Variants in DNAH7 observed in about 807,000 individuals in gnomAD.
DNAH7 encodes the protein axonemal beta dynein heavy chain 7.
A neutral mutation model predicts 444.6 loss-of-function variants in DNAH7; 397 were observed. The observed-to-expected ratio is 0.89, with a 90% CI of 0.82 to 0.97. The LOEUF is 0.97. DNAH7 is among the 50% of genes least tolerant of loss of function. DNAH7 has a pLI of 0.00. For missense variants in DNAH7, 4,902 were observed against 4,800.8 expected (o/e 1.02, Z -0.62); for synonymous variants, 1,636 against 1,624.4 (o/e 1.01, Z -0.17).
intron 2 of DNAH7, 134 bp from the exon 3 acceptor site, chr2:196,051,383 C>CT: frequency 1.4e-6 from 1 of 704,472 alleles, no homozygotes; most frequent in African/African-American, 1.8e-5. Context: ...AACTTTACTG[C>CT]TTTTTAAATT....
At chr2:196,017,331 T>C (rs187513409) in intron 9 of DNAH7, among the ~76,000 whole-genome samples, 1 of 152,258 alleles carries the variant, frequency 6.6e-6, no homozygotes, top group East Asian at 1.9e-4. Context: ...CTTCTTAATT[T>C]AATTACACAT....
intron 5 of DNAH7, among the ~76,000 whole-genome samples, chr2:196,030,979 C>G (rs2125794550): frequency 6.6e-6 from 1 of 152,338 alleles, no homozygotes; most frequent in South Asian, 2.1e-4. Flanking sequence ...TAGGCGGTGC[C>G]CCAGTAGGGA....
intron 14 of DNAH7, among the ~76,000 whole-genome samples, chr2:195,985,941 T>C (rs1445173782): frequency 6.6e-6 from 1 of 152,180 alleles, no homozygotes; most frequent in East Asian, 1.9e-4. Flanking sequence ...CCTCACGCTG[T>C]CTGTGAAAGC....
chr2:195,756,093 G>A, intron 62 of DNAH7, 40 bp downstream of exon 62: 1 of 1,549,728 alleles, frequency 6.5e-7, no homozygotes, highest in Non-Finnish European at 8.7e-7. Context: ...AATGAAACCA[G>A]GAGAAACTTA....
chr2:195,932,475 G>T (rs981672639), intron 21 of DNAH7, among the ~76,000 whole-genome samples: 1 of 152,008 alleles, frequency 6.6e-6, no homozygotes, highest in Non-Finnish European at 1.5e-5. Flanking sequence ...GGTGAGAGAC[G>T]GCATCCCTGT....
intron 29 of DNAH7, 125 bp downstream of exon 29, chr2:195,897,542 T>C (rs755034876): frequency 6.7e-6 from 3 of 449,608 alleles, no homozygotes; most frequent in South Asian, 1.8e-4. Context: ...AAATAAAATA[T>C]GGAATTATCT....
At chr2:195,785,306 T>C (rs913903893) in intron 58 of DNAH7, among the ~76,000 whole-genome samples, 1 of 152,198 alleles carries the variant, frequency 6.6e-6, no homozygotes. Context: ...GATACGTCTT[T>C]TACAAACATT....
chr2:195,957,372 A>G lies in DNAH7; in HGVS notation c.2967T>C (p.Tyr989=). 6.2e-7 allele frequency: 1 copy of G among 1,606,744 alleles called. No individual in the cohort carries two copies. ...EWLKVQATWL[Y]LEPIFSSPDI... The stretch of plus-strand genomic sequence containing the variant: ...CTGGAGAGCTGAAAATGGGCTCCAG[A>G]TACAGCCACGTGGCTTGGACTTTGA... Residue 989 remains tyrosine (Y), a synonymous_variant, in exon 19 of 65, where the codon TAT becomes TAC. Coordinates refer to ENST00000312428, the MANE Select transcript of DNAH7 (RefSeq NM_018897.3).
chr2:195,937,230 G>C (rs955589410), intron 19 of DNAH7, among the ~76,000 whole-genome samples: 8 of 152,228 alleles, frequency 5.3e-5, no homozygotes, highest in African/African-American at 1.9e-4. Flanking sequence ...CAGAATCCCT[G>C]TTTTATAACT....
chr2:195,951,697 T>C (rs1344772363), intron 19 of DNAH7, among the ~76,000 whole-genome samples: 2 of 152,222 alleles, frequency 1.3e-5, no homozygotes, highest in African/African-American at 2.4e-5. Flanking sequence ...GTAATGGCCT[T>C]GTCTCTTTTG....
chr2:195,995,330 G>A (rs1693626420), intron 12 of DNAH7: 1 of 513,658 alleles, frequency 1.9e-6, no homozygotes, highest in Admixed American at 2.0e-5. Context: ...TCAAATCCAA[G>A]ACCCCATGGA....
rs114868247 is a variant in DNAH7 at position 195,843,476 on chromosome 2, T to C, written c.8945+1526A>G. On this transcript the variant is annotated intron_variant, in intron 47 of 64. Transcript: ENST00000312428. ...TAGCTCCTGAAAAAGTTGGTCTCTT[T>C]AACTACAGTTTACTTGGTTAAAAAA... is the stretch of plus-strand genomic sequence containing the variant. Among the ~76,000 whole-genome samples, 1,448 of 152,342 alleles carry C rather than the reference T, an allele frequency of 9.5e-3. 24 individuals carry two copies. Among genetic ancestry groups the C allele is most frequent in the African/African-American group, 0.033 (1,385 of 41,590 alleles).
chr2:195,740,183 C>T (rs1403652600), intron 64 of DNAH7, among the ~76,000 whole-genome samples: 1 of 152,102 alleles, frequency 6.6e-6, no homozygotes, highest in East Asian at 1.9e-4. Flanking sequence ...TGGGGTTTCT[C>T]CATGTTGGTC....
intron 51 of DNAH7, among the ~76,000 whole-genome samples, chr2:195,814,335 C>A (rs1475012851): frequency 1.3e-5 from 2 of 152,166 alleles, no homozygotes; most frequent in African/African-American, 4.8e-5. Context: ...GAAAAGGCCA[C>A]ATTTTGTTTT....
At chr2:196,025,096 T>C (rs372502444) in intron 7 of DNAH7, among the ~76,000 whole-genome samples, 1 of 152,222 alleles carries the variant, frequency 6.6e-6, no homozygotes, top group African/African-American at 2.4e-5. Flanking sequence ...ACATAGGTTA[T>C]ATGCAAATAC....
intron 51 of DNAH7, among the ~76,000 whole-genome samples, chr2:195,814,555 G>A (rs1485384752): frequency 6.6e-6 from 1 of 152,064 alleles, no homozygotes; most frequent in African/African-American, 2.4e-5. Flanking sequence ...GTCTTTAAAT[G>A]GCAGACCAAA....
At chr2:195,856,794 C>T (rs1699740007) in intron 44 of DNAH7, among the ~76,000 whole-genome samples, 1 of 152,128 alleles carries the variant, frequency 6.6e-6, no homozygotes, top group African/African-American at 2.4e-5. Flanking sequence ...ACGAGGTCTT[C>T]CCTCGTCCAA....
intron 19 of DNAH7, among the ~76,000 whole-genome samples, chr2:195,941,973 C>G (rs1689480217): frequency 6.6e-6 from 1 of 152,010 alleles, no homozygotes; most frequent in South Asian, 2.1e-4. Context: ...ATTTAACAAA[C>G]ATTTACCAAG....
At chr2:196,025,434 C>G (rs1011375465) in intron 7 of DNAH7, among the ~76,000 whole-genome samples, 1 of 152,108 alleles carries the variant, frequency 6.6e-6, no homozygotes, top group Non-Finnish European at 1.5e-5. Flanking sequence ...TCTAAAAAGG[C>G]ATATAAAGCC....
Sources: allele counts gnomAD v4.1 joint callset (sites outside exome capture counted in the v4.1 genomes callset), GRCh38; gene constraint gnomAD v4.1.1; transcripts MANE v1.5; gene names NCBI Gene and HGNC (gene_info 2026-07-23, HGNC 2026-07-21).